The following NVL variants were observed in gnomAD, a reference collection of about 807,000 sequenced individuals.
The protein encoded by NVL is nuclear VCP like.
NVL carries 84 observed loss-of-function variants against 110.2 expected under a neutral mutation model. The observed-to-expected ratio is 0.76, with a 90% CI of 0.64 to 0.91. The LOEUF is 0.91. Among genes scored for constraint, NVL ranks in the 40% least tolerant of loss-of-function variants. The pLI, the probability that NVL is intolerant of heterozygous loss-of-function variation, is 0.00. For missense variants in NVL, 882 were observed against 1,035.9 expected (o/e 0.85, Z 2.04); for synonymous variants, 354 against 361.1 (o/e 0.98, Z 0.22).
At chr1:224,321,657 G>A (rs1670655308) in intron 2 of NVL, among the ~76,000 whole-genome samples, 1 of 151,890 alleles carries the variant, frequency 6.6e-6, no homozygotes. Flanking sequence ...TTGGGAGGCT[G>A]AGGCAGGAGA....
At chr1:224,307,304 G>C (rs909862713) in intron 6 of NVL, among the ~76,000 whole-genome samples, 2 of 152,156 alleles carry the variant, frequency 1.3e-5, no homozygotes, top group African/African-American at 4.8e-5. Context: ...CAGGGTGGTA[G>C]GAGATGAAAC....
intron 4 of NVL, among the ~76,000 whole-genome samples, chr1:224,316,853 G>T (rs1249342757): frequency 1.3e-5 from 2 of 151,770 alleles, no homozygotes; most frequent in African/African-American, 4.8e-5. Context: ...AAATGAAGAG[G>T]TTGGCCAGGC....
chr1:224,275,381 A>C lies in NVL; in HGVS notation c.2040T>G (p.Phe680Leu). The change falls in exon 17 of 23, where the codon TTT becomes TTG. Residue 680 changes from phenylalanine to leucine, a missense_variant. Phe to Leu is a conservative substitution (Grantham distance 22). Around this residue, in one of 4 missense-constraint regions of NVL, gnomAD observed 66 missense variants for 127.5 expected, o/e 0.52. Transcript: ENST00000281701. ...GAGGACATAAAGCATCCACTTCATC[A>C]AAGAATATCACACAGGGTGCTGAGT... ...AKNSAPCVIFFDEVDALCPRR... is the reference protein window; with the variant it reads ...AKNSAPCVIFLDEVDALCPRR... The C allele has an allele frequency of 6.2e-7, 1 of 1,614,200 alleles. No homozygotes were observed. The highest frequency in any genetic ancestry group is 8.5e-7 in the Non-Finnish European group (1 of 1,180,034).
chr1:224,291,880 G>C lies in NVL; in HGVS notation c.1326-2147C>G, dbSNP rs562311260. On this transcript the variant is annotated intron_variant, in intron 12 of 22. Coordinates refer to ENST00000281701, the MANE Select transcript of NVL (RefSeq NM_002533.4). ...TGTACTCTATCCCTAAAAAAAGTGG[G>C]TATTTTTGGTCATCATACTGTAGAA... Among the ~76,000 whole-genome samples, 27 of 152,264 alleles carry C rather than the reference G, an allele frequency of 1.8e-4. 1 individual carries two copies. In the South Asian group the frequency reaches 3.9e-3, roughly 22 times the overall value.
At chr1:224,291,706 C>T (rs1037900807) in intron 12 of NVL, among the ~76,000 whole-genome samples, 9 of 152,078 alleles carry the variant, frequency 5.9e-5, no homozygotes, top group Non-Finnish European at 2.9e-5. Flanking sequence ...CCTGATAAAC[C>T]CATCTTAAGT....
intron 10 of NVL, among the ~76,000 whole-genome samples, chr1:224,296,911 A>G (rs2102667615): frequency 6.6e-6 from 1 of 152,180 alleles, no homozygotes; most frequent in East Asian, 1.9e-4. Flanking sequence ...AATTAGATAC[A>G]TTTGCTATGC....
At chr1:224,297,026 C>T (rs146367379) in intron 10 of NVL, among the ~76,000 whole-genome samples, 3 of 152,096 alleles carry the variant, frequency 2.0e-5, no homozygotes, top group African/African-American at 7.2e-5. Context: ...TCACTAGAAA[C>T]GTTATGAGGG....
rs967397541 is a variant in NVL, at chr1:224,249,561, G to A, written c.2289+651C>T. On this transcript the variant is annotated intron_variant, in intron 19 of 22. Transcript: ENST00000281701. ...AGATCGAGACCATCCTGGCTAACAC[G>A]GTAAAACCCCGTCTCTACTAAAAAA... is the stretch of plus-strand genomic sequence containing the variant. Among the ~76,000 whole-genome samples the A allele has an allele frequency of 6.6e-5, 10 of 151,150 alleles. No individual in the cohort carries two copies. In the East Asian group the frequency reaches 1.2e-3, roughly 18 times the overall value.
intron 12 of NVL, 26 bp from the exon 13 acceptor site, chr1:224,289,759 T>G: frequency 6.3e-7 from 1 of 1,589,902 alleles, no homozygotes; most frequent in Non-Finnish European, 8.6e-7. Context: ...GGGAAAAAAT[T>G]TCTGATTCCT....
intron 18 of NVL, among the ~76,000 whole-genome samples, chr1:224,251,378 C>T (rs1220511787): frequency 1.3e-5 from 2 of 151,348 alleles, no homozygotes; most frequent in Non-Finnish European, 2.9e-5. Flanking sequence ...AGCTTCTGCT[C>T]ATCAAAATAC....
intron 5 of NVL, among the ~76,000 whole-genome samples, chr1:224,308,933 C>T (rs1167666084): frequency 6.6e-6 from 1 of 150,956 alleles, no homozygotes; most frequent in Non-Finnish European, 1.5e-5. Context: ...TGATGGCGGA[C>T]GCCTGTAGTC....
At chr1:224,237,959 TTCAAAAAA>T (rs1336899845) in intron 19 of NVL, among the ~76,000 whole-genome samples, 15 of 83,446 alleles carry the variant, frequency 1.8e-4, no homozygotes, top group Non-Finnish European at 3.3e-4. Flanking sequence ...GAGACTTGGT[TTCAAAAAA>T]AAAAAAAAAA....
intron 12 of NVL, 150 bp from the exon 13 acceptor site, chr1:224,289,883 G>A (rs531088481): frequency 2.5e-5 from 17 of 676,878 alleles, no homozygotes; most frequent in Middle Eastern, 4.2e-4. Flanking sequence ...CTCAACAAAC[G>A]CTGTCATTAT....
At chr1:224,228,554 C>A (rs969220917) in intron 22 of NVL, among the ~76,000 whole-genome samples, 2 of 151,596 alleles carry the variant, frequency 1.3e-5, no homozygotes, top group Non-Finnish European at 2.9e-5. Flanking sequence ...CCACCCGCCT[C>A]GGCCTCTCAA....
chr1:224,274,814 G>T (rs1330946107), intron 17 of NVL, among the ~76,000 whole-genome samples: 1 of 152,034 alleles, frequency 6.6e-6, no homozygotes, highest in Non-Finnish European at 1.5e-5. Context: ...GACTCAGTGT[G>T]GCTGACACAA....
At chr1:224,328,551 A>G (rs1345364012) in intron 1 of NVL, among the ~76,000 whole-genome samples, 4 of 152,092 alleles carry the variant, frequency 2.6e-5, no homozygotes, top group Non-Finnish European at 4.4e-5. Context: ...GAGATCAGTT[A>G]GGAGGCTATT....
Position 224,296,637 on chromosome 1 carries a change from C to A in NVL, c.1063-19G>T. ...CATTTGACTAGAAATAAAAATATCA[C>A]AAAAAGACAATCATAAATGCATCCC... On this transcript the variant is annotated intron_variant, in intron 10 of 22. Coordinates refer to ENST00000281701, the MANE Select transcript of NVL (RefSeq NM_002533.4). 2 of 1,446,590 alleles carry A rather than the reference C, an allele frequency of 1.4e-6. No homozygotes were observed. Among genetic ancestry groups the A allele is most frequent in the Admixed American group, 3.9e-5 (2 of 51,444 alleles). 89.6% of individuals were successfully genotyped at this position (1,446,590 alleles called of 1,614,324 possible). A position where few individuals can be genotyped will look rare whatever the true frequency, so the allele number is the denominator to read the frequency against.
intron 18 of NVL, among the ~76,000 whole-genome samples, chr1:224,255,994 T>C (rs1663180194): frequency 6.6e-6 from 1 of 152,232 alleles, no homozygotes; most frequent in Admixed American, 6.5e-5. Flanking sequence ...CTCCACTGCA[T>C]TGCCTTTGTG....
At chr1:224,299,042 T>C (rs535182021) in intron 10 of NVL, among the ~76,000 whole-genome samples, 1 of 152,320 alleles carries the variant, frequency 6.6e-6, no homozygotes, top group South Asian at 2.1e-4. Context: ...AGTTACTCAA[T>C]GGTTAGGAGT....
Sources: allele counts gnomAD v4.1 joint callset (sites outside exome capture counted in the v4.1 genomes callset), GRCh38; gene constraint gnomAD v4.1.1; regional missense constraint gnomAD v4.1.1; transcripts MANE v1.5; gene names NCBI Gene and HGNC (gene_info 2026-07-23, HGNC 2026-07-21).